The following HDAC9 variants were observed in gnomAD, a reference collection of about 807,000 sequenced individuals.
HDAC9 encodes the protein MEF-2 interacting transcription repressor (MITR) protein.
HDAC9 carries 41 observed loss-of-function variants against 139.4 expected under a neutral mutation model. The ratio of observed to expected loss-of-function variants is 0.29; its 90% CI spans 0.23 to 0.38. The LOEUF is 0.38. Among genes scored for constraint, HDAC9 ranks in the 10% least tolerant of loss-of-function variants. HDAC9 has a pLI of 1.00. For synonymous variants in HDAC9, 517 were observed against 476.2 expected (o/e 1.09, Z -1.12); for missense variants, 1,147 against 1,297.0 (o/e 0.88, Z 1.78).
In HDAC9 at chr7:18,667,054, G is replaced by A. The variant is rs1795056472; in HGVS notation, c.1731+578G>A. On this transcript the variant is annotated intron_variant, in intron 12 of 25. Coordinates refer to ENST00000686413, the MANE Select transcript of HDAC9 (RefSeq NM_178425.4). ...AAATGTTCTGGTCACCATGCCAGTA[G>A]TCCTAGGTTATTGTGTAGGTTGCAA... 4.1e-6 allele frequency: 4 copies of A among 985,268 alleles called. No individual in the cohort carries two copies. In the South Asian group the frequency reaches 1.4e-4, roughly 35 times the overall value. 61.0% of individuals were successfully genotyped at this position (985,268 alleles called of 1,614,324 possible). A position where few individuals can be genotyped will look rare whatever the true frequency, so the allele number is the denominator to read the frequency against.
chr7:18,103,899 C>G (rs966112903), intron 1 of HDAC9, among the ~76,000 whole-genome samples: 1 of 152,212 alleles, frequency 6.6e-6, no homozygotes, highest in African/African-American at 2.4e-5. Context: ...TACCCACTTA[C>G]ACCAATTCAT....
intron 21 of HDAC9, among the ~76,000 whole-genome samples, chr7:18,865,457 G>T (rs1312570833): frequency 6.6e-6 from 1 of 152,188 alleles, no homozygotes; most frequent in Admixed American, 6.5e-5. Flanking sequence ...TGCTAAGGAA[G>T]AAGAGCAGGA....
intron 16 of HDAC9, among the ~76,000 whole-genome samples, chr7:18,785,908 G>C (rs1313937205): frequency 6.6e-6 from 1 of 151,608 alleles, no homozygotes. Flanking sequence ...AGTTACTATG[G>C]GCAAAAGCTT....
In HDAC9 at chr7:18,829,193, T is replaced by C. The variant is rs369641487; in HGVS notation, c.2355T>C (p.His785=). Residue 785 remains histidine (H), a synonymous_variant, in exon 18 of 26, where the codon CAT becomes CAC. Transcript: ENST00000686413. ...TTGCTGTTGTGAGGCCCCCTGGCCA[T>C]CACGCTGAAGAATCCACAGCCATGT... ...NGFAVVRPPG[H]HAEESTAMGF... The C allele has an allele frequency of 3.1e-6, 5 of 1,613,312 alleles. No homozygotes were observed. The African/African-American group carries it at 5.3e-5, about 17-fold the overall frequency.
chr7:18,142,498 G>A (rs1277789760), intron 1 of HDAC9, among the ~76,000 whole-genome samples: 1 of 152,184 alleles, frequency 6.6e-6, no homozygotes, highest in Non-Finnish European at 1.5e-5. Flanking sequence ...GGAGACATCT[G>A]TTCTGTTGTT....
chr7:18,342,790 G>C (rs1241362348), intron 1 of HDAC9, among the ~76,000 whole-genome samples: 1 of 151,724 alleles, frequency 6.6e-6, no homozygotes, highest in African/African-American at 2.4e-5. Context: ...TGTAAATGCT[G>C]TCTGTCCACT....
chr7:18,090,106 T>C lies in HDAC9; in HGVS notation c.-97+2893T>C, dbSNP rs144140602. Among the ~76,000 whole-genome samples the C allele has an allele frequency of 9.2e-4, 140 of 152,298 alleles. 1 individual carries two copies. The East Asian group carries it at 0.023, about 25-fold the overall frequency. On this transcript the variant is annotated intron_variant, in intron 1 of 12. Transcript: ENST00000417496. ...CACTTTTTGGTGATTCCTCAAAACA[T>C]TTGAGAGATAAGTAGGGTGACATAT... is the stretch of plus-strand genomic sequence containing the variant.
intron 1 of HDAC9, among the ~76,000 whole-genome samples, chr7:18,358,806 C>G (rs1229829657): frequency 2.0e-5 from 3 of 152,196 alleles, no homozygotes; most frequent in Non-Finnish European, 2.9e-5. Flanking sequence ...AGACACCTGT[C>G]CCCTCACTGA....
chr7:18,431,967 G>A (rs777017137), intron 1 of HDAC9, among the ~76,000 whole-genome samples: 3 of 152,110 alleles, frequency 2.0e-5, no homozygotes, highest in Admixed American at 2.0e-4. Flanking sequence ...CTCTTCAAAC[G>A]CATCTTCTGC....
intron 2 of HDAC9, among the ~76,000 whole-genome samples, chr7:18,242,186 C>T (rs201480994): frequency 1.3e-5 from 2 of 152,318 alleles, no homozygotes; most frequent in East Asian, 3.9e-4. Context: ...TATTTTCCCC[C>T]CACTAGCCTC....
At position 18,396,107 on chromosome 7, in the gene HDAC9, CCCTTCCCTTCCCTTCCCTTCCCTTG is replaced by C. The variant is rs1290814328; in HGVS notation, c.-41-100143_-41-100119del. Among the ~76,000 whole-genome samples the C allele has an allele frequency of 2.0e-4, 26 of 131,874 alleles. 2 individuals carry two copies. In the East Asian group the frequency reaches 2.8e-3, roughly 14 times the overall value. The allele number at this position is 131,874 out of a possible 152,430, so 86.5% of individuals were successfully genotyped here. A position where few individuals can be genotyped will look rare whatever the true frequency, so the allele number is the denominator to read the frequency against. ...CCCTTCCCTTCCCTTCCCTTCCCTTCCCTTCCCTTCCCTTCCCTTCCCTTGCCTTCCCTTCCTTCTTTCCTTGTTT... is the reference window on the plus strand; with the variant it reads ...CCCTTCCCTTCCCTTCCCTTCCCTTCCCTTCCCTTCCTTCTTTCCTTGTTT... On this transcript the variant is annotated intron_variant, in intron 1 of 3. Transcript: ENST00000413509.
chr7:18,611,731 G>A (rs1339993941), intron 6 of HDAC9, among the ~76,000 whole-genome samples: 1 of 152,098 alleles, frequency 6.6e-6, no homozygotes, highest in African/African-American at 2.4e-5. Flanking sequence ...GATAAAAGTA[G>A]TGACTTATAA....
chr7:18,517,174 T>C (rs1031958324), intron 2 of HDAC9, among the ~76,000 whole-genome samples: 1 of 152,160 alleles, frequency 6.6e-6, no homozygotes, highest in Non-Finnish European at 1.5e-5. Context: ...ACAAACATAT[T>C]CAGAAAGGTT....
chr7:18,814,981 A>G (rs1238886843), intron 17 of HDAC9, among the ~76,000 whole-genome samples: 1 of 151,586 alleles, frequency 6.6e-6, no homozygotes, highest in African/African-American at 2.4e-5. Context: ...AAATATTTGT[A>G]TTACTGTTGA....
intron 2 of HDAC9, among the ~76,000 whole-genome samples, chr7:18,175,486 T>C (rs1368384896): frequency 6.6e-6 from 1 of 152,160 alleles, no homozygotes; most frequent in Non-Finnish European, 1.5e-5. Context: ...CCAGTCCCAG[T>C]GAGGTGAACC....
At chr7:18,098,351 A>G (rs1431744058) in intron 1 of HDAC9, among the ~76,000 whole-genome samples, 2 of 152,224 alleles carry the variant, frequency 1.3e-5, no homozygotes, top group East Asian at 3.8e-4. Context: ...ATCTAGTAGT[A>G]TGTAATGGTT....
chr7:18,113,816 A>G (rs1562633555), intron 1 of HDAC9, among the ~76,000 whole-genome samples: 1 of 152,098 alleles, frequency 6.6e-6, no homozygotes, highest in Non-Finnish European at 1.5e-5. Context: ...TTATATTTGC[A>G]TGGTAGTTTG....
At chr7:18,439,077 C>T (rs1056939369) in intron 1 of HDAC9, among the ~76,000 whole-genome samples, 1 of 152,102 alleles carries the variant, frequency 6.6e-6, no homozygotes, top group Non-Finnish European at 1.5e-5. Flanking sequence ...GAGTACCCTC[C>T]ACTTAAGCAG....
chr7:18,889,903 T>C (rs1288930518), intron 22 of HDAC9, among the ~76,000 whole-genome samples: 1 of 152,212 alleles, frequency 6.6e-6, no homozygotes, highest in Non-Finnish European at 1.5e-5. Flanking sequence ...TAGGATCTTG[T>C]TATGTTGCCC....
Sources: gnomAD v4.1 joint callset for allele counts (sites outside exome capture counted in the v4.1 genomes callset) on GRCh38, gnomAD v4.1.1 for gene constraint, MANE v1.5 for transcripts, NCBI Gene and HGNC (gene_info 2026-07-23, HGNC 2026-07-21) for gene names.